ENOX1: variants seen among roughly 807,000 people sequenced by gnomAD.
The protein encoded by ENOX1 is ecto-NOX disulfide-thiol exchanger 1.
A neutral mutation model predicts 82.5 loss-of-function variants in ENOX1; 42 were observed. The observed-to-expected ratio is 0.51, with a 90% confidence interval of 0.40 to 0.66. ENOX1 has a LOEUF of 0.66. Among genes scored for constraint, ENOX1 ranks in the 30% least tolerant of loss-of-function variants. The probability of loss-of-function intolerance (pLI) is 0.00; values close to 1 mark genes in which losing one functional copy is unlikely to be tolerated. For synonymous variants in ENOX1, 271 were observed against 282.2 expected (o/e 0.96, Z 0.40); for missense variants, 608 against 811.6 (o/e 0.75, Z 3.05).
At chr13:43,383,062 C>T (rs1177130494) in intron 5 of ENOX1, among the ~76,000 whole-genome samples, 2 of 152,118 alleles carry the variant, frequency 1.3e-5, no homozygotes, top group Non-Finnish European at 2.9e-5. Flanking sequence ...TAGAAGTCAG[C>T]AAGCAGCATA....
intron 9 of ENOX1, among the ~76,000 whole-genome samples, chr13:43,336,008 A>G (rs1337017262): frequency 3.9e-5 from 6 of 152,210 alleles, no homozygotes; most frequent in African/African-American, 1.4e-4. Flanking sequence ...CATCAGTACA[A>G]TTTTGAGGAG....
intron 2 of ENOX1, among the ~76,000 whole-genome samples, chr13:43,659,159 T>C (rs2084592077): frequency 6.6e-6 from 1 of 152,164 alleles, no homozygotes; most frequent in South Asian, 2.1e-4. Context: ...TATCATGCCT[T>C]ATCTGTCTGG....
intron 1 of ENOX1, among the ~76,000 whole-genome samples, chr13:43,706,856 A>G (rs576331940): frequency 6.6e-6 from 1 of 152,218 alleles, no homozygotes; most frequent in South Asian, 2.1e-4. Flanking sequence ...TACCACTTCT[A>G]CTCAACATTG....
intron 1 of ENOX1, among the ~76,000 whole-genome samples, chr13:43,719,901 C>T (rs139369302): frequency 2.6e-5 from 4 of 152,148 alleles, no homozygotes; most frequent in East Asian, 1.9e-4. Context: ...TTCTGAGACA[C>T]GATAACAGCA....
At chr13:43,588,683 G>A (rs898115600) in intron 2 of ENOX1, among the ~76,000 whole-genome samples, 73 of 152,290 alleles carry the variant, frequency 4.8e-4, no homozygotes, top group African/African-American at 1.6e-3. Context: ...CTAGTTTCAA[G>A]TTTTTGTTCT....
chr13:43,270,400 A>G (rs2044619317), intron 12 of ENOX1, among the ~76,000 whole-genome samples: 1 of 152,174 alleles, frequency 6.6e-6, no homozygotes, highest in African/African-American at 2.4e-5. Flanking sequence ...GACAGAGTGC[A>G]TTTCTTCTGC....
chr13:43,566,702 T>C (rs2079935918), intron 2 of ENOX1, among the ~76,000 whole-genome samples: 1 of 151,996 alleles, frequency 6.6e-6, no homozygotes, highest in Non-Finnish European at 1.5e-5. Flanking sequence ...TGTTATCTAG[T>C]ATCATTTGAG....
rs938069680 is a variant in ENOX1, at chr13:43,213,284, A to G, written c.*706T>C. On this transcript the variant is annotated 3_prime_UTR_variant, in exon 17 of 17. Transcript: ENST00000690772. The stretch of plus-strand genomic sequence containing the variant: ...CTAGTTTTTCCTTTATTTACACTTT[A>G]TGAAAACTGTTATGCAGTCCATGTT... Among the ~76,000 whole-genome samples the G allele has an allele frequency of 2.0e-5, 3 of 152,160 alleles. No individual in the cohort carries two copies. The highest frequency in any genetic ancestry group is 7.2e-5 in the African/African-American group (3 of 41,460).
intron 5 of ENOX1, among the ~76,000 whole-genome samples, chr13:43,373,057 C>A (rs1242542691): frequency 1.3e-5 from 2 of 152,114 alleles, no homozygotes; most frequent in African/African-American, 4.8e-5. Flanking sequence ...AGTAAGCACT[C>A]AACACATATT....
intron 14 of ENOX1, among the ~76,000 whole-genome samples, chr13:43,244,306 C>A (rs2042977776): frequency 1.3e-5 from 2 of 152,106 alleles, no homozygotes; most frequent in South Asian, 4.2e-4. Context: ...ATGATTATTA[C>A]AACCATTACT....
chr13:43,214,439 AAG>A (rs1347639475), intron 16 of ENOX1, among the ~76,000 whole-genome samples: 1 of 152,128 alleles, frequency 6.6e-6, no homozygotes, highest in Non-Finnish European at 1.5e-5. Context: ...GAGGGAATTT[AAG>A]AGGGCTCCCA....
At chr13:43,561,631 C>T (rs1566530405) in intron 2 of ENOX1, among the ~76,000 whole-genome samples, 1 of 151,982 alleles carries the variant, frequency 6.6e-6, no homozygotes, top group African/African-American at 2.4e-5. Context: ...ATAGGCTTTA[C>T]AAAAATCAAG....
chr13:43,549,263 A>C (rs941689820), intron 2 of ENOX1, among the ~76,000 whole-genome samples: 13 of 152,240 alleles, frequency 8.5e-5, no homozygotes, highest in Non-Finnish European at 4.4e-5. Flanking sequence ...AATATCAATG[A>C]AACAGTCTCT....
At chr13:43,581,422 G>A (rs1376243259) in intron 2 of ENOX1, among the ~76,000 whole-genome samples, 1 of 152,028 alleles carries the variant, frequency 6.6e-6, no homozygotes, top group Non-Finnish European at 1.5e-5. Flanking sequence ...GTGAGCCACC[G>A]CGCCCGGCCC....
At chr13:43,680,878 CTTGT>C (rs147663248) in intron 1 of ENOX1, among the ~76,000 whole-genome samples, 3,181 of 152,162 alleles carry the variant, frequency 0.021, 107 homozygotes, top group African/African-American at 0.07. Flanking sequence ...CATCATTATT[CTTGT>C]GTCTTCCTGA....
intron 5 of ENOX1, among the ~76,000 whole-genome samples, chr13:43,368,554 A>G (rs1390310507): frequency 6.6e-6 from 1 of 152,186 alleles, no homozygotes; most frequent in African/African-American, 2.4e-5. Flanking sequence ...ATTCACTCAC[A>G]CTGTGGGCCA....
intron 2 of ENOX1, among the ~76,000 whole-genome samples, chr13:43,649,911 C>A (rs544350053): frequency 1.3e-5 from 2 of 152,334 alleles, no homozygotes; most frequent in Non-Finnish European, 2.9e-5. Context: ...CTCAGTTACT[C>A]CCTCCAGGAT....
intron 14 of ENOX1, among the ~76,000 whole-genome samples, chr13:43,263,534 A>C (rs541460609): frequency 5.5e-4 from 84 of 152,318 alleles, no homozygotes; most frequent in South Asian, 1.0e-3. Flanking sequence ...TGACTTTTAA[A>C]ATTTTTCAAA....
intron 3 of ENOX1, among the ~76,000 whole-genome samples, chr13:43,476,470 A>G (rs2058290366): frequency 6.6e-6 from 1 of 152,170 alleles, no homozygotes; most frequent in African/African-American, 2.4e-5. Flanking sequence ...GGCCTCAAAA[A>G]CTAGCTGACC....
Sources: gnomAD v4.1 joint callset for allele counts (sites outside exome capture counted in the v4.1 genomes callset) on GRCh38, gnomAD v4.1.1 for gene constraint, MANE v1.5 for transcripts, NCBI Gene and HGNC (gene_info 2026-07-23, HGNC 2026-07-21) for gene names.